The following SCGN variants were observed in gnomAD, a reference collection of about 807,000 sequenced individuals.
SCGN encodes secretagogin.
Under a neutral mutation model 39.7 loss-of-function variants are expected in SCGN, and 30 were observed. That is an observed-to-expected ratio of 0.76 (90% confidence interval 0.57 to 1.03). SCGN has a LOEUF of 1.03. Among genes scored for constraint, SCGN ranks in the 50% least tolerant of loss-of-function variants. SCGN has a pLI of 0.00. For synonymous variants in SCGN, 106 were observed against 114.1 expected, an observed-to-expected ratio of 0.93 and a Z score of 0.45; for missense variants, 353 against 349.4, an observed-to-expected ratio of 1.01 and a Z score of -0.08.
At position 25,701,341 on chromosome 6, in the gene SCGN, G is replaced by T. The variant is rs1376384516; in HGVS notation, c.*6G>T. The T allele has an allele frequency of 6.2e-7, 1 of 1,610,088 alleles. No homozygotes were observed. Among genetic ancestry groups the T allele is most frequent in the Non-Finnish European group, 8.5e-7 (1 of 1,178,338 alleles). On this transcript the variant is annotated 3_prime_UTR_variant, in exon 11 of 11. Coordinates refer to ENST00000377961, the MANE Select transcript of SCGN (RefSeq NM_006998.4). ...GGCTGAAAATCAACCCATAATCCCA[G>T]ACTGCTTTGCCTTTTGCTCTTACTA...
At chr6:25,673,039 A>C (rs4711090) in intron 6 of SCGN, among the ~76,000 whole-genome samples, 123,931 of 152,016 alleles carry the variant, frequency 0.82, 50,732 homozygotes, top group African/African-American at 0.87. Flanking sequence ...GGACCTGACA[A>C]GTAGTAGCCT....
At chr6:25,665,172 C>T (rs1400836674) in intron 4 of SCGN, 140 bp downstream of exon 4, 1 of 623,020 alleles carries the variant, frequency 1.6e-6, no homozygotes, top group Non-Finnish European at 2.8e-6. Context: ...GCAAAAAATG[C>T]CTTAGTGATG....
At chr6:25,691,276 C>T in intron 10 of SCGN, 152 bp downstream of exon 10, 1 of 556,186 alleles carries the variant, frequency 1.8e-6, no homozygotes, top group Non-Finnish European at 3.2e-6. Flanking sequence ...CTATGAAACC[C>T]AACAAACCTC....
chr6:25,661,085 CATT>C (rs751838817), intron 2 of SCGN, among the ~76,000 whole-genome samples: 4 of 152,242 alleles, frequency 2.6e-5, no homozygotes, highest in South Asian at 2.1e-4. Flanking sequence ...TCTCCCTTCT[CATT>C]ATGTTTTTTT....
chr6:25,682,494 C>T (rs1245129365), intron 7 of SCGN, among the ~76,000 whole-genome samples: 2 of 152,290 alleles, frequency 1.3e-5, no homozygotes, highest in East Asian at 1.9e-4. Context: ...AGAAGTGGCT[C>T]AGTGTCCATG....
chr6:25,671,113 A>C (rs1759493555), intron 6 of SCGN, among the ~76,000 whole-genome samples: 1 of 152,232 alleles, frequency 6.6e-6, no homozygotes, highest in African/African-American at 2.4e-5. Flanking sequence ...AGAGTTTGTT[A>C]AAATGTGTAC....
chr6:25,683,875 A>G (rs993684027), intron 7 of SCGN, among the ~76,000 whole-genome samples: 1 of 152,242 alleles, frequency 6.6e-6, no homozygotes, highest in Non-Finnish European at 1.5e-5. Flanking sequence ...TGTAAGTAGT[A>G]AATTATGCAA....
chr6:25,699,360 AG>A (rs1428552447), intron 10 of SCGN, among the ~76,000 whole-genome samples: 5 of 151,880 alleles, frequency 3.3e-5, no homozygotes, highest in Non-Finnish European at 7.4e-5. Context: ...AGGCCGAGGC[AG>A]GTGTGTCATC....
chr6:25,669,489 T>C (rs1279833738), intron 4 of SCGN, 22 bp from the exon 5 acceptor site: 4 of 1,604,548 alleles, frequency 2.5e-6, no homozygotes, highest in South Asian at 2.2e-5. Flanking sequence ...ATAAATTAAT[T>C]AGTGACTTTT....
At chr6:25,699,085 G>A (rs960254527) in intron 10 of SCGN, among the ~76,000 whole-genome samples, 5 of 152,130 alleles carry the variant, frequency 3.3e-5, no homozygotes, top group Non-Finnish European at 7.3e-5. Flanking sequence ...GTTGGGTAAT[G>A]GAGAGTGCTT....
chr6:25,661,137 G>T (rs1561760796), intron 2 of SCGN, among the ~76,000 whole-genome samples: 1 of 152,096 alleles, frequency 6.6e-6, no homozygotes, highest in Non-Finnish European at 1.5e-5. Context: ...ATGAGTTACA[G>T]ACACCTGGGG....
intron 5 of SCGN, 108 bp from the exon 6 acceptor site, chr6:25,669,891 T>C: frequency 1.1e-6 from 1 of 936,920 alleles, no homozygotes; most frequent in Non-Finnish European, 1.7e-6. Flanking sequence ...AAGCATTTTA[T>C]TTCCTCCTGG....
chr6:25,668,443 T>C (rs996203546), intron 4 of SCGN, among the ~76,000 whole-genome samples: 1 of 152,136 alleles, frequency 6.6e-6, no homozygotes, highest in African/African-American at 2.4e-5. Flanking sequence ...ATAAGAGGAG[T>C]AGCTTATAAC....
intron 5 of SCGN, among the ~76,000 whole-genome samples, 189 bp from the exon 6 acceptor site, chr6:25,669,810 C>G (rs960061709): frequency 2.0e-5 from 3 of 152,136 alleles, no homozygotes; most frequent in Non-Finnish European, 4.4e-5. Flanking sequence ...CACGCTGGAG[C>G]TATTCCCTGG....
intron 10 of SCGN, among the ~76,000 whole-genome samples, chr6:25,692,702 A>AGCTGG (rs1258829003): frequency 6.6e-6 from 1 of 152,222 alleles, no homozygotes; most frequent in Non-Finnish European, 1.5e-5. Context: ...TGTGGGAGGC[A>AGCTGG]GCTGGGCTGG....
intron 10 of SCGN, among the ~76,000 whole-genome samples, chr6:25,691,609 A>G (rs1160729387): frequency 6.6e-6 from 1 of 152,116 alleles, no homozygotes. Context: ...TGAAATTTAG[A>G]TTATATTTAC....
chr6:25,695,099 A>G (rs1482117598), intron 10 of SCGN, among the ~76,000 whole-genome samples: 2 of 152,188 alleles, frequency 1.3e-5, no homozygotes, highest in African/African-American at 4.8e-5. Flanking sequence ...TTGACTTTAC[A>G]TGGACAAGAT....
intron 10 of SCGN, among the ~76,000 whole-genome samples, chr6:25,697,682 G>A (rs764398219): frequency 6.6e-6 from 1 of 152,222 alleles, no homozygotes; most frequent in Non-Finnish European, 1.5e-5. Flanking sequence ...GAATTGGGAA[G>A]AGAAGGCCAG....
chr6:25,693,886 A>G (rs1759805809), intron 10 of SCGN, among the ~76,000 whole-genome samples: 1 of 152,208 alleles, frequency 6.6e-6, no homozygotes, highest in Non-Finnish European at 1.5e-5. Context: ...GACCTTGGGC[A>G]AGTCATTTTG....
Sources: allele counts gnomAD v4.1 joint callset (sites outside exome capture counted in the v4.1 genomes callset), GRCh38; gene constraint gnomAD v4.1.1; transcripts MANE v1.5; gene names NCBI Gene and HGNC (gene_info 2026-07-23, HGNC 2026-07-21).